HSPG2: variants seen among roughly 807,000 people sequenced by gnomAD.
The protein encoded by HSPG2 is basement membrane-specific heparan sulfate proteoglycan core protein.
Under a neutral mutation model 526.6 loss-of-function variants are expected in HSPG2, and 278 were observed. The observed-to-expected ratio is 0.53, with a 90% CI of 0.48 to 0.58. HSPG2 has a LOEUF of 0.58. Among genes scored for constraint, HSPG2 ranks in the 20% least tolerant of loss-of-function variants. The probability of loss-of-function intolerance (pLI) is 0.00; values close to 1 mark genes in which losing one functional copy is unlikely to be tolerated. For synonymous variants in HSPG2, 2,465 were observed against 2,555.4 expected, an observed-to-expected ratio of 0.96 and a Z score of 1.07; for missense variants, 5,354 against 6,099.5, an observed-to-expected ratio of 0.88 and a Z score of 4.07.
In HSPG2 at chr1:21,890,203, A is replaced by G. The variant is rs1313954485; in HGVS notation, c.414-62T>C. On this transcript the variant is annotated intron_variant, in intron 5 of 96. Coordinates refer to ENST00000374695, the MANE Select transcript of HSPG2 (RefSeq NM_005529.7). The surrounding 1 kb of genome is among the most constrained non-coding windows in gnomAD (Gnocchi z 4.1). ...AGACACCTGTGTTCTCAGCTCCTCCATGAGGCTCCCGCCCCGACGCTCAGG... is the reference window on the plus strand; with the variant it reads ...AGACACCTGTGTTCTCAGCTCCTCCGTGAGGCTCCCGCCCCGACGCTCAGG... The G allele has an allele frequency of 3.8e-6, 6 of 1,593,598 alleles. No individual in the cohort carries two copies. The highest frequency in any genetic ancestry group is 4.3e-6 in the Non-Finnish European group (5 of 1,163,020).
rs2098019237 is a variant in HSPG2 at position 21,834,699 on chromosome 1, T to C, written c.10700A>G (p.His3567Arg). Residue 3567 changes from histidine to arginine, a missense_variant, in exon 77 of 97, where the codon CAC (histidine) becomes CGC (arginine). Coordinates refer to ENST00000374695, the MANE Select transcript of HSPG2 (RefSeq NM_005529.7). Reference sequence around the variant, plus strand: ...TTCACCTTGCACAAGCAGCAGGACGTGGGATTGTGTGGTGCCAGCTGCGTT... The same window carrying C: ...TTCACCTTGCACAAGCAGCAGGACGCGGGATTGTGTGGTGCCAGCTGCGTT... ...ATNAAGTTQS[H>R]VLLLVQALPQ... The C allele has an allele frequency of 3.1e-6, 5 of 1,613,964 alleles. No homozygotes were observed. Among genetic ancestry groups the C allele is most frequent in the Non-Finnish European group, 4.2e-6 (5 of 1,180,030 alleles).
chr1:21,852,284 G>T, intron 52 of HSPG2, 51 bp from the exon 53 acceptor site: 1 of 1,610,690 alleles, frequency 6.2e-7, no homozygotes, highest in African/African-American at 1.3e-5. Context: ...TGAGATGAGA[G>T]GGCAGGGGTT....
At chr1:21,852,065 C>T (rs1369601660) in intron 53 of HSPG2, 23 bp downstream of exon 53, 2 of 1,612,732 alleles carry the variant, frequency 1.2e-6, no homozygotes, top group Non-Finnish European at 1.7e-6. Context: ...ATGGCCCCGT[C>T]CCACATTCTT....
At chr1:21,856,940 A>G in intron 44 of HSPG2, 75 bp downstream of exon 44, 1 of 1,460,188 alleles carries the variant, frequency 6.8e-7, no homozygotes, top group Non-Finnish European at 9.6e-7. Flanking sequence ...AGCAGAATGA[A>G]GAAATGCTGT....
chr1:21,852,779 C>T lies in HSPG2; in HGVS notation c.6645G>A (p.Glu2215=), dbSNP rs771666784. 2.5e-6 allele frequency: 4 copies of T among 1,613,058 alleles called. No homozygotes were observed. The African/African-American group carries it at 5.3e-5, about 22-fold the overall frequency. The change falls in exon 52 of 97, where the codon GAG becomes GAA. Residue 2215 remains glutamate, a synonymous_variant. Coordinates refer to ENST00000374695, the MANE Select transcript of HSPG2 (RefSeq NM_005529.7). ...AGGTGCCCACCACATGGCACACATA[C>T]TCGCCTGAGTCGGCCGGGGTCACCT... ...LHQVTPADSG[E]YVCHVVGTSG...
rs368470093 is a variant in HSPG2 at position 21,904,670 on chromosome 1, G to A, written c.64-8360C>T. On this transcript the variant is annotated intron_variant, in intron 1 of 96. Coordinates refer to ENST00000374695, the MANE Select transcript of HSPG2 (RefSeq NM_005529.7). The surrounding 1 kb of genome is among the most constrained non-coding windows in gnomAD (Gnocchi z 4.4). ...CCCTTGCCTCACCCATGTGCCAGGT[G>A]TGGCCAAGGCGGTGGGGGTGGCCTA... Among the ~76,000 whole-genome samples, 26 of 152,370 alleles carry A rather than the reference G, an allele frequency of 1.7e-4. No homozygotes were observed. In the East Asian group the frequency reaches 4.8e-3, roughly 28 times the overall value.
At chr1:21,921,439 G>A (rs1223814529) in intron 1 of HSPG2, among the ~76,000 whole-genome samples, 1 of 152,094 alleles carries the variant, frequency 6.6e-6, no homozygotes, top group Non-Finnish European at 1.5e-5. Context: ...AGACCCTGTG[G>A]GCCCTAAGAC....
intron 33 of HSPG2, among the ~76,000 whole-genome samples, chr1:21,870,600 A>C (rs1258741727): frequency 6.6e-6 from 1 of 152,230 alleles, no homozygotes; most frequent in Non-Finnish European, 1.5e-5. Flanking sequence ...TTGCTACCTC[A>C]GTTGCCATTC....
At chr1:21,861,613 G>A (rs1639795332) in intron 39 of HSPG2, 144 bp downstream of exon 39, 1 of 796,914 alleles carries the variant, frequency 1.3e-6, no homozygotes, top group Non-Finnish European at 2.1e-6. Flanking sequence ...TGTCCCAAGA[G>A]CAATGAGGTG....
Position 21,855,363 on chromosome 1 carries a change from C to T in HSPG2, c.5938G>A (p.Ala1980Thr). The T allele has an allele frequency of 9.3e-6, 15 of 1,611,788 alleles. No individual in the cohort carries two copies. The highest frequency in any genetic ancestry group is 1.3e-5 in the Non-Finnish European group (15 of 1,179,430). The change falls in exon 47 of 97, where the codon GCA becomes ACA. Residue 1980 changes from alanine (A) to threonine (T), a missense_variant. Ala to Thr is a moderately conservative substitution (Grantham distance 58). Coordinates refer to ENST00000374695, the MANE Select transcript of HSPG2 (RefSeq NM_005529.7). The part of the protein sequence containing the change: ...GRTVRLYCRA[A>T]GVPSATITWR... ...GTGATGGTGGCGCTAGGCACGCCTG[C>T]AGCCCTGCAGTACAGCCTGACGGTG...
At chr1:21,852,295 G>T in intron 52 of HSPG2, 62 bp from the exon 53 acceptor site, 1 of 1,597,908 alleles carries the variant, frequency 6.3e-7, no homozygotes, top group Non-Finnish European at 8.6e-7. Flanking sequence ...GGCAGGGGTT[G>T]CCCACCCTGC....
At chr1:21,844,891 G>T (rs1008399101) in intron 64 of HSPG2, among the ~76,000 whole-genome samples, 2 of 152,208 alleles carry the variant, frequency 1.3e-5, no homozygotes, top group African/African-American at 4.8e-5. Flanking sequence ...TTTCTGCATA[G>T]CATGTGCCCC....
At chr1:21,866,422 T>G (rs144858747) in intron 33 of HSPG2, among the ~76,000 whole-genome samples, 1 of 152,334 alleles carries the variant, frequency 6.6e-6, no homozygotes, top group Non-Finnish European at 1.5e-5. Flanking sequence ...CACTGCCCTT[T>G]GCCACCCCAT....
chr1:21,899,556 C>T (rs914429160), intron 1 of HSPG2, among the ~76,000 whole-genome samples: 10 of 152,012 alleles, frequency 6.6e-5, no homozygotes, highest in African/African-American at 1.9e-4. Flanking sequence ...CCCTGGTGGT[C>T]GGGCTCCAAT....
At chr1:21,845,619 A>G (rs912616656) in intron 64 of HSPG2, among the ~76,000 whole-genome samples, 1 of 152,156 alleles carries the variant, frequency 6.6e-6, no homozygotes, top group Non-Finnish European at 1.5e-5. Flanking sequence ...AGCTCAGGCA[A>G]TCTGCCCACC....
At chr1:21,873,798 G>A in intron 29 of HSPG2, 127 bp downstream of exon 29, 5 of 765,954 alleles carry the variant, frequency 6.5e-6, no homozygotes, top group Non-Finnish European at 1.1e-5. Context: ...TGTCTTCTGG[G>A]GCCTGTGCGA....
Position 21,880,735 on chromosome 1 carries a change from G to T in HSPG2, c.1919C>A (p.Ala640Asp). The change falls in exon 15 of 97, where the codon GCC (alanine) becomes GAC (aspartate). Residue 640 changes from alanine (A) to aspartate (D), a missense_variant. Physicochemically the swap from Ala to Asp is moderately radical, Grantham distance 126. Transcript: ENST00000374695. ...VQRPDVVLMG[A>D]GYRLLSRGHT... ...GCCTCGGGAGAGGAGGCGGTACCCG[G>T]CACCCATGAGGACCACGTCCGGCCG... 1 of 1,600,848 alleles carries T rather than the reference G, an allele frequency of 6.2e-7. No individual in the cohort carries two copies. Among genetic ancestry groups the T allele is most frequent in the African/African-American group, 1.3e-5 (1 of 74,860 alleles).
intron 39 of HSPG2, among the ~76,000 whole-genome samples, chr1:21,860,837 G>A (rs1277851665): frequency 6.6e-6 from 1 of 152,168 alleles, no homozygotes; most frequent in Non-Finnish European, 1.5e-5. Context: ...TATAGGTGTT[G>A]GAAATACAAC....
At chr1:21,925,254 T>C (rs1251972137) in intron 1 of HSPG2, among the ~76,000 whole-genome samples, 3 of 152,216 alleles carry the variant, frequency 2.0e-5, no homozygotes, top group Non-Finnish European at 2.9e-5. Flanking sequence ...TAGCTGAATA[T>C]GTGAACAAAT....
Sources: allele counts gnomAD v4.1 joint callset (sites outside exome capture counted in the v4.1 genomes callset), GRCh38; gene constraint gnomAD v4.1.1; non-coding constraint Gnocchi (gnomAD v3.1); transcripts MANE v1.5; gene names NCBI Gene and HGNC (gene_info 2026-07-23, HGNC 2026-07-21).